PRORP: variants seen among roughly 807,000 people sequenced by gnomAD.
PRORP encodes the protein mitochondrial ribonuclease P catalytic subunit.
PRORP carries 51 observed loss-of-function variants against 59.4 expected under a neutral mutation model. That is an observed-to-expected ratio of 0.86 (90% CI 0.69 to 1.08). The LOEUF (loss-of-function observed/expected upper bound fraction) is 1.08, where lower values mean the gene tolerates loss of function less well. PRORP is among the 50% of genes least tolerant of loss of function. PRORP has a pLI of 0.00. For synonymous variants in PRORP, 231 were observed against 245.6 expected, an observed-to-expected ratio of 0.94 and a Z score of 0.55; for missense variants, 646 against 690.3, an observed-to-expected ratio of 0.94 and a Z score of 0.72.
chr14:35,273,605 C>A lies in PRORP; in HGVS notation c.*39C>A. 6.3e-7 allele frequency: 1 copy of A among 1,589,912 alleles called. No individual in the cohort carries two copies. Among genetic ancestry groups the A allele is most frequent in the South Asian group, 1.2e-5 (1 of 86,822 alleles). ...TATGCTAAGTTTGTGTTTGGGTACC[C>A]TCTAGGTTGGCATCAGAGGCTCTTG... On this transcript the variant is annotated 3_prime_UTR_variant, in exon 8 of 8. Coordinates refer to ENST00000534898, the MANE Select transcript of PRORP (RefSeq NM_014672.4).
intron 4 of PRORP, among the ~76,000 whole-genome samples, chr14:35,137,715 A>G (rs2047404555): frequency 6.9e-6 from 1 of 145,440 alleles, no homozygotes; most frequent in Non-Finnish European, 1.5e-5. Flanking sequence ...TAGTAAAGAC[A>G]AAGGGTAGCG....
chr14:35,223,225 CT>C (rs11333388), intron 5 of PRORP, among the ~76,000 whole-genome samples: 96,852 of 145,378 alleles, frequency 0.67, 33,235 homozygotes, highest in Admixed American at 0.76. Context: ...ATCAGGTGCT[CT>C]TTTTTTTTTT....
chr14:35,123,987 A>G lies in PRORP; in HGVS notation c.742A>G (p.Asn248Asp). ...TATAACTCCTTCAAAAAAGAACTATAATGACTGTATCCAGGGAGCTCTCCT... is the reference window on the plus strand; with the variant it reads ...TATAACTCCTTCAAAAAAGAACTATGATGACTGTATCCAGGGAGCTCTCCT... ...KVITPSKKNY[N>D]DCIQGALLHQ... Residue 248 changes from asparagine to aspartate, a missense_variant, in exon 2 of 8, where the codon AAT (asparagine) becomes GAT (aspartate). By Grantham distance (23) the Asn-to-Asp change is conservative. Transcript: ENST00000534898. 1 of 1,614,096 alleles carries G rather than the reference A, an allele frequency of 6.2e-7. No individual in the cohort carries two copies. The highest frequency in any genetic ancestry group is 8.5e-7 in the Non-Finnish European group (1 of 1,179,996).
chr14:35,183,422 A>T (rs1461069079), intron 5 of PRORP, among the ~76,000 whole-genome samples: 3 of 152,142 alleles, frequency 2.0e-5, no homozygotes, highest in African/African-American at 7.2e-5. Flanking sequence ...AGCATTCTTG[A>T]TAAATATTTT....
At chr14:35,234,783 A>C (rs1188852753) in intron 5 of PRORP, among the ~76,000 whole-genome samples, 2 of 151,122 alleles carry the variant, frequency 1.3e-5, no homozygotes, top group African/African-American at 4.9e-5. Flanking sequence ...GGGCTCAAGT[A>C]ATCCTCCCAC....
intron 5 of PRORP, among the ~76,000 whole-genome samples, chr14:35,188,319 T>C (rs1188221460): frequency 6.6e-6 from 1 of 151,218 alleles, no homozygotes; most frequent in African/African-American, 2.4e-5. Flanking sequence ...GCCTCCTGAG[T>C]AGCTGGGATT....
chr14:35,209,195 G>T (rs1159227355), intron 5 of PRORP, among the ~76,000 whole-genome samples: 1 of 151,614 alleles, frequency 6.6e-6, no homozygotes, highest in Admixed American at 6.6e-5. Flanking sequence ...AGTTATTAAT[G>T]AAATACTTTA....
chr14:35,191,769 C>T (rs761731218), intron 5 of PRORP, among the ~76,000 whole-genome samples: 1 of 152,162 alleles, frequency 6.6e-6, no homozygotes, highest in African/African-American at 2.4e-5. Flanking sequence ...ATTGGCACTA[C>T]TATCCACCAA....
Position 35,194,962 on chromosome 14 carries a change from C to T in PRORP, c.1275+14185C>T, listed in dbSNP as rs77674038. ...TTAAGAAGGCAAGAAAATCATAATG[C>T]TTTTCAGAAAGTTCCTCTCACACAT... is the stretch of plus-strand genomic sequence containing the variant. On this transcript the variant is annotated intron_variant, in intron 5 of 7. Coordinates refer to ENST00000534898, the MANE Select transcript of PRORP (RefSeq NM_014672.4). Among the ~76,000 whole-genome samples the T allele has an allele frequency of 2.3e-4, 32 of 139,108 alleles. 1 individual carries two copies. In the East Asian group the frequency reaches 6.5e-3, roughly 28 times the overall value. The allele number at this position is 139,108 out of a possible 152,430, so 91.3% of individuals were successfully genotyped here.
intron 5 of PRORP, among the ~76,000 whole-genome samples, chr14:35,264,708 CA>C (rs1238413876): frequency 6.6e-6 from 1 of 152,188 alleles, no homozygotes; most frequent in African/African-American, 2.4e-5. Flanking sequence ...TGGCCAGGCA[CA>C]GTGGCTCACG....
At chr14:35,230,796 A>G in intron 5 of PRORP, among the ~76,000 whole-genome samples, 1 of 152,144 alleles carries the variant, frequency 6.6e-6, no homozygotes, top group East Asian at 1.9e-4. Flanking sequence ...CCTCCACAAC[A>G]CTTGAGAAGC....
In PRORP at chr14:35,262,855, C is replaced by A. The variant is rs148727064; in HGVS notation, c.1276-3872C>A. The stretch of plus-strand genomic sequence containing the variant: ...AGGGTTCGGATGAGAACAGGTGTTG[C>A]TTGTTCAGTATCTCAAGCCCAGAAA... On this transcript the variant is annotated intron_variant, in intron 5 of 7. Transcript: ENST00000534898. 16 of 1,531,406 alleles carry A rather than the reference C, an allele frequency of 1.0e-5. 1 individual carries two copies. The African/African-American group carries it at 1.6e-4, about 16-fold the overall frequency. The allele number at this position is 1,531,406 out of a possible 1,614,324, so 94.9% of individuals were successfully genotyped here.
chr14:35,130,411 T>C (rs60080616), intron 4 of PRORP, among the ~76,000 whole-genome samples: 1 of 152,126 alleles, frequency 6.6e-6, no homozygotes, highest in Non-Finnish European at 1.5e-5. Flanking sequence ...ATACTATGTC[T>C]TTTTGTGTAC....
At chr14:35,170,122 A>C (rs1329667619) in intron 4 of PRORP, among the ~76,000 whole-genome samples, 5 of 152,048 alleles carry the variant, frequency 3.3e-5, no homozygotes, top group Non-Finnish European at 7.4e-5. Context: ...CACCATTCCA[A>C]GTTTCTTAAG....
At chr14:35,187,218 C>CT (rs2048763069) in intron 5 of PRORP, among the ~76,000 whole-genome samples, 1 of 152,108 alleles carries the variant, frequency 6.6e-6, no homozygotes, top group South Asian at 2.1e-4. Context: ...TGTGTTTAAT[C>CT]TTTTGAACTT....
intron 4 of PRORP, chr14:35,158,423 T>A: frequency 3.2e-6 from 1 of 310,968 alleles, no homozygotes; most frequent in Admixed American, 3.6e-5. Flanking sequence ...TTCAATGATA[T>A]AGTATTACTA....
At chr14:35,185,274 G>A (rs2048715991) in intron 5 of PRORP, among the ~76,000 whole-genome samples, 1 of 152,156 alleles carries the variant, frequency 6.6e-6, no homozygotes, top group African/African-American at 2.4e-5. Flanking sequence ...CTAATGATCA[G>A]TGATATTGAG....
At chr14:35,199,598 G>A (rs1045588542) in intron 5 of PRORP, among the ~76,000 whole-genome samples, 2 of 152,112 alleles carry the variant, frequency 1.3e-5, no homozygotes. Context: ...TGCCATCTTG[G>A]AAGCAGAGAC....
At chr14:35,138,025 C>A (rs1003205167) in intron 4 of PRORP, among the ~76,000 whole-genome samples, 1 of 145,796 alleles carries the variant, frequency 6.9e-6, no homozygotes, top group Non-Finnish European at 1.5e-5. Flanking sequence ...AGCAGAAATT[C>A]ATTTTCTCAC....
Sources: allele counts gnomAD v4.1 joint callset (sites outside exome capture counted in the v4.1 genomes callset), GRCh38; gene constraint gnomAD v4.1.1; transcripts MANE v1.5; gene names NCBI Gene and HGNC (gene_info 2026-07-23, HGNC 2026-07-21).